Variants in CORIN observed in about 807,000 individuals in gnomAD.
CORIN encodes atrial natriuretic peptide-converting enzyme.
Under a neutral mutation model 125.3 loss-of-function variants are expected in CORIN, and 117 were observed. That is an observed-to-expected ratio of 0.93 (90% CI 0.80 to 1.09). The LOEUF is 1.09. Ranked by LOEUF, CORIN falls within the 50% of genes least tolerant of loss-of-function variation. The pLI is 0.00. For synonymous variants in CORIN, 450 were observed against 466.4 expected, an observed-to-expected ratio of 0.96 and a Z score of 0.45; for missense variants, 1,253 against 1,306.7, an observed-to-expected ratio of 0.96 and a Z score of 0.63.
At chr4:47,770,596 T>C (rs780160159) in intron 3 of CORIN, among the ~76,000 whole-genome samples, 1 of 152,176 alleles carries the variant, frequency 6.6e-6, no homozygotes, top group Non-Finnish European at 1.5e-5. Flanking sequence ...GCAGCATTAT[T>C]CACAATAGCG....
chr4:47,614,883 TA>T (rs1215406380), intron 19 of CORIN, among the ~76,000 whole-genome samples: 2 of 150,902 alleles, frequency 1.3e-5, no homozygotes, highest in African/African-American at 2.4e-5. Flanking sequence ...AACTAGATAG[TA>T]AAAAAAAAGT....
intron 2 of CORIN, among the ~76,000 whole-genome samples, chr4:47,799,723 A>G (rs187965023): frequency 6.6e-6 from 1 of 152,230 alleles, no homozygotes; most frequent in Non-Finnish European, 1.5e-5. Context: ...GAGCAGTTAC[A>G]TAAGTGACAC....
At position 47,770,020 on chromosome 4, in the gene CORIN, C is replaced by T. The variant is rs139782585; in HGVS notation, c.410-6434G>A. On this transcript the variant is annotated intron_variant, in intron 3 of 21. Transcript: ENST00000273857. The stretch of plus-strand genomic sequence containing the variant: ...AAGTATAAATACACAAATGGGATTA[C>T]ATCAAACTAAAAAGCTTCTTCCCAG... Among the ~76,000 whole-genome samples, 147 of 152,142 alleles carry T rather than the reference C, an allele frequency of 9.7e-4. 2 individuals carry two copies. The East Asian group carries it at 0.021, about 22-fold the overall frequency.
intron 9 of CORIN, among the ~76,000 whole-genome samples, chr4:47,676,819 A>C (rs1342088127): frequency 1.3e-5 from 2 of 152,242 alleles, no homozygotes; most frequent in Non-Finnish European, 2.9e-5. Flanking sequence ...TTATACAGAA[A>C]GAAAGAATAG....
intron 13 of CORIN, among the ~76,000 whole-genome samples, chr4:47,651,995 C>T (rs1333401411): frequency 6.6e-6 from 1 of 152,190 alleles, no homozygotes; most frequent in Non-Finnish European, 1.5e-5. Context: ...AAGTATCATG[C>T]AACCTCTTTG....
chr4:47,699,734 T>C (rs1349565523), intron 5 of CORIN, among the ~76,000 whole-genome samples: 1 of 152,226 alleles, frequency 6.6e-6, no homozygotes, highest in Non-Finnish European at 1.5e-5. Flanking sequence ...GCTAGGAGAA[T>C]AAACTACTGA....
intron 2 of CORIN, among the ~76,000 whole-genome samples, chr4:47,791,316 A>G (rs1731068712): frequency 6.6e-6 from 1 of 152,192 alleles, no homozygotes. Flanking sequence ...AAGCCCTAGA[A>G]GCTAGAAAAA....
At chr4:47,699,666 C>T (rs184165995) in intron 5 of CORIN, among the ~76,000 whole-genome samples, 3 of 152,290 alleles carry the variant, frequency 2.0e-5, no homozygotes, top group Admixed American at 6.5e-5. Flanking sequence ...AATAAATGAT[C>T]GTTCCTATTT....
At chr4:47,751,101 A>G (rs1728879435) in intron 4 of CORIN, among the ~76,000 whole-genome samples, 1 of 152,184 alleles carries the variant, frequency 6.6e-6, no homozygotes, top group African/African-American at 2.4e-5. Flanking sequence ...CCAGCACACC[A>G]CTGAATAAAA....
chr4:47,782,880 G>A (rs557872797), intron 3 of CORIN, among the ~76,000 whole-genome samples: 2 of 151,502 alleles, frequency 1.3e-5, no homozygotes, highest in Non-Finnish European at 2.9e-5. Flanking sequence ...GATTAGTTTT[G>A]GCCAGGAGCT....
chr4:47,622,528 T>G (rs1341762881), intron 19 of CORIN, among the ~76,000 whole-genome samples: 3 of 151,766 alleles, frequency 2.0e-5, no homozygotes, highest in African/African-American at 7.3e-5. Flanking sequence ...CCTGACTTTT[T>G]AATGATTGCC....
chr4:47,744,114 A>G (rs1728542498), intron 5 of CORIN, among the ~76,000 whole-genome samples: 1 of 152,244 alleles, frequency 6.6e-6, no homozygotes, highest in Admixed American at 6.5e-5. Context: ...AAAAAGTTAC[A>G]TATTGTATGA....
chr4:47,686,773 G>A (rs1442715502), intron 6 of CORIN, among the ~76,000 whole-genome samples: 1 of 152,184 alleles, frequency 6.6e-6, no homozygotes, highest in Non-Finnish European at 1.5e-5. Flanking sequence ...TTCGCCCAGA[G>A]GATGGGGGAC....
Position 47,763,354 on chromosome 4 carries a change from C to T in CORIN, c.617+25G>A. On this transcript the variant is annotated intron_variant, in intron 4 of 21. Transcript: ENST00000273857. Reference sequence around the variant, plus strand: ...CTTCTGCTATAACCAACTCTTATCACTGAATAATCTGGGTTCCGAAATACC... The same window carrying T: ...CTTCTGCTATAACCAACTCTTATCATTGAATAATCTGGGTTCCGAAATACC... The T allele has an allele frequency of 2.5e-6, 4 of 1,587,548 alleles. No individual in the cohort carries two copies. In the South Asian group the frequency reaches 4.5e-5, roughly 18 times the overall value.
intron 10 of CORIN, among the ~76,000 whole-genome samples, chr4:47,665,607 C>T (rs925763913): frequency 6.6e-6 from 1 of 152,140 alleles, no homozygotes; most frequent in Non-Finnish European, 1.5e-5. Context: ...TTCTGATTTA[C>T]TTATTACTAC....
At chr4:47,707,873 T>C (rs147639701) in intron 5 of CORIN, among the ~76,000 whole-genome samples, 2 of 152,266 alleles carry the variant, frequency 1.3e-5, no homozygotes, top group African/African-American at 4.8e-5. Flanking sequence ...TTTGCCATGC[T>C]AAGAGCCAGG....
intron 2 of CORIN, among the ~76,000 whole-genome samples, chr4:47,790,611 A>C (rs961295676): frequency 5.9e-5 from 9 of 152,200 alleles, no homozygotes; most frequent in African/African-American, 2.2e-4. Context: ...GTCAATACCT[A>C]TATAAACACT....
chr4:47,681,860 C>A (rs1463490737), intron 7 of CORIN: 1 of 152,160 alleles, frequency 6.6e-6, no homozygotes, highest in African/African-American at 2.4e-5. Context: ...CACTGCAGCA[C>A]TACTCACAAT....
intron 16 of CORIN, among the ~76,000 whole-genome samples, chr4:47,634,418 GA>G (rs1184726151): frequency 6.6e-6 from 1 of 152,216 alleles, no homozygotes; most frequent in Non-Finnish European, 1.5e-5. Context: ...TGGATCACGT[GA>G]GGTCGGGAGT....
Sources: gnomAD v4.1 joint callset for allele counts (sites outside exome capture counted in the v4.1 genomes callset) on GRCh38, gnomAD v4.1.1 for gene constraint, MANE v1.5 for transcripts, NCBI Gene and HGNC (gene_info 2026-07-23, HGNC 2026-07-21) for gene names.